The following ATG5 variants were observed in gnomAD, a reference collection of about 807,000 sequenced individuals.
ATG5 encodes the protein autophagy protein 5.
ATG5 carries 14 observed loss-of-function variants against 36.5 expected under a neutral mutation model. The ratio of observed to expected loss-of-function variants is 0.38; its 90% CI spans 0.25 to 0.60. The LOEUF is 0.60. Among genes scored for constraint, ATG5 ranks in the 20% least tolerant of loss-of-function variants. The probability of loss-of-function intolerance (pLI) is 0.60; values close to 1 mark genes in which losing one functional copy is unlikely to be tolerated. For missense variants in ATG5, 195 were observed against 326.7 expected (o/e 0.60, Z 3.11); for synonymous variants, 95 against 101.5 (o/e 0.94, Z 0.38).
At chr6:106,211,567 G>A (rs1045710126) in intron 6 of ATG5, among the ~76,000 whole-genome samples, 3 of 152,152 alleles carry the variant, frequency 2.0e-5, no homozygotes, top group Non-Finnish European at 2.9e-5. Context: ...AAAATTAGCC[G>A]GGAGTGGTGG....
intron 7 of ATG5, among the ~76,000 whole-genome samples, chr6:106,201,268 AGTGTATAT>A (rs1186113998): frequency 9.0e-6 from 1 of 111,144 alleles, no homozygotes. Flanking sequence ...CAAGTATTCA[AGTGTATAT>A]GTGTGTGTGT....
chr6:106,224,460 G>C (rs1472384811), intron 6 of ATG5, among the ~76,000 whole-genome samples: 1 of 152,190 alleles, frequency 6.6e-6, no homozygotes, highest in African/African-American at 2.4e-5. Context: ...CTGGTAACTT[G>C]AAGAAAAGTA....
At chr6:106,187,156 A>G (rs1775806741) in intron 7 of ATG5, among the ~76,000 whole-genome samples, 1 of 152,202 alleles carries the variant, frequency 6.6e-6, no homozygotes, top group African/African-American at 2.4e-5. Context: ...GACACAGGTG[A>G]GCTTTAGTTG....
At chr6:106,206,232 G>T (rs1776626371) in intron 6 of ATG5, among the ~76,000 whole-genome samples, 1 of 133,384 alleles carries the variant, frequency 7.5e-6, no homozygotes, top group African/African-American at 2.8e-5. Context: ...AGCTTGTAAG[G>T]CTTTTGCCCC....
intron 7 of ATG5, among the ~76,000 whole-genome samples, chr6:106,200,774 G>A (rs576600734): frequency 2.6e-5 from 4 of 152,132 alleles, no homozygotes; most frequent in East Asian, 1.9e-4. Flanking sequence ...CACCACACCC[G>A]ACCAACTCTA....
chr6:106,235,419 G>C (rs1777859403), intron 6 of ATG5, among the ~76,000 whole-genome samples: 1 of 152,110 alleles, frequency 6.6e-6, no homozygotes, highest in Non-Finnish European at 1.5e-5. Flanking sequence ...TCCGCAGGAA[G>C]CAGTTAGACT....
intron 5 of ATG5, among the ~76,000 whole-genome samples, chr6:106,267,452 T>C (rs1450319948): frequency 1.3e-5 from 2 of 152,240 alleles, no homozygotes; most frequent in Non-Finnish European, 2.9e-5. Context: ...CCCATCAAGC[T>C]ACCATTGACT....
At chr6:106,257,333 A>G (rs948011859) in intron 5 of ATG5, among the ~76,000 whole-genome samples, 2 of 152,270 alleles carry the variant, frequency 1.3e-5, no homozygotes, top group African/African-American at 4.8e-5. Flanking sequence ...GTTTATCATT[A>G]TCAATTACTG....
At chr6:106,321,503 C>T (rs1471086778) in intron 1 of ATG5, among the ~76,000 whole-genome samples, 1 of 152,062 alleles carries the variant, frequency 6.6e-6, no homozygotes, top group Non-Finnish European at 1.5e-5. Context: ...GGACTACAGG[C>T]GCCCGCCACC....
Position 106,297,383 on chromosome 6 carries a change from G to A in ATG5, c.237-4277C>T, listed in dbSNP as rs181710364. On this transcript the variant is annotated intron_variant, in intron 3 of 7. Transcript: ENST00000369076. ...TACTGGGCTGCTCAGTCTAATTGGT[G>A]TTGATTCACATAAAAAAGAAAATAT... Among the ~76,000 whole-genome samples the A allele has an allele frequency of 6.2e-3, 947 of 152,246 alleles. 5 individuals carry two copies. The highest frequency in any genetic ancestry group is 8.9e-3 in the Non-Finnish European group (604 of 68,016).
intron 6 of ATG5, among the ~76,000 whole-genome samples, chr6:106,235,358 C>T (rs906372673): frequency 3.9e-5 from 6 of 152,138 alleles, no homozygotes; most frequent in East Asian, 1.9e-4. Flanking sequence ...TGATATCGAA[C>T]GCACCCCTCC....
chr6:106,320,773 T>C (rs1771036168), intron 1 of ATG5, among the ~76,000 whole-genome samples: 1 of 152,084 alleles, frequency 6.6e-6, no homozygotes, highest in Non-Finnish European at 1.5e-5. Context: ...AACAGAAGAC[T>C]GAGGGGGAAT....
At chr6:106,286,867 G>A (rs1334000226) in intron 4 of ATG5, among the ~76,000 whole-genome samples, 3 of 152,132 alleles carry the variant, frequency 2.0e-5, no homozygotes, top group Admixed American at 2.0e-4. Context: ...AGCAAACTAA[G>A]TCTACAAGTG....
chr6:106,196,207 G>C (rs1392542379), intron 7 of ATG5, among the ~76,000 whole-genome samples: 4 of 152,084 alleles, frequency 2.6e-5, no homozygotes, highest in African/African-American at 9.7e-5. Context: ...TAAGAGAGAA[G>C]AGCATGTAGG....
intron 3 of ATG5, among the ~76,000 whole-genome samples, chr6:106,303,363 A>T (rs1770291980): frequency 6.6e-6 from 1 of 152,108 alleles, no homozygotes; most frequent in Non-Finnish European, 1.5e-5. Flanking sequence ...ACACTCAATG[A>T]AGAGGAAATA....
intron 6 of ATG5, among the ~76,000 whole-genome samples, chr6:106,208,671 A>AAACAAC (rs560085242): frequency 6.6e-6 from 1 of 152,232 alleles, no homozygotes; most frequent in African/African-American, 2.4e-5. Context: ...AATTAAAATT[A>AAACAAC]AACAACAACA....
intron 6 of ATG5, among the ~76,000 whole-genome samples, chr6:106,214,275 T>G (rs918789207): frequency 7.9e-5 from 12 of 152,124 alleles, no homozygotes; most frequent in Non-Finnish European, 1.2e-4. Context: ...TTTTAGAGCT[T>G]TACAGTAAAC....
chr6:106,323,371 G>A (rs2038161056), intron 1 of ATG5, among the ~76,000 whole-genome samples: 3 of 143,450 alleles, frequency 2.1e-5, no homozygotes, highest in African/African-American at 7.7e-5. Flanking sequence ...AGGGGGTCAA[G>A]TGATCCTCCC....
At chr6:106,237,912 A>G (rs1456904015) in intron 6 of ATG5, among the ~76,000 whole-genome samples, 1 of 152,222 alleles carries the variant, frequency 6.6e-6, no homozygotes, top group Non-Finnish European at 1.5e-5. Flanking sequence ...CTCTACATTT[A>G]CTAAAGAAGA....
Sources: allele counts gnomAD v4.1 joint callset (sites outside exome capture counted in the v4.1 genomes callset), GRCh38; gene constraint gnomAD v4.1.1; transcripts MANE v1.5; gene names NCBI Gene and HGNC (gene_info 2026-07-23, HGNC 2026-07-21).